The following NRXN3 variants were observed in gnomAD, a reference collection of about 807,000 sequenced individuals.
The protein encoded by NRXN3 is neurexin 3.
Under a neutral mutation model 137.6 loss-of-function variants are expected in NRXN3, and 32 were observed. The ratio of observed to expected loss-of-function variants is 0.23; its 90% CI spans 0.18 to 0.31. The LOEUF (loss-of-function observed/expected upper bound fraction) is 0.31. Ranked by LOEUF, NRXN3 falls within the 10% of genes least tolerant of loss-of-function variation. NRXN3 has a pLI of 1.00. For missense variants in NRXN3, 1,574 were observed against 2,062.5 expected (o/e 0.76, Z 4.59); for synonymous variants, 798 against 784.5 (o/e 1.02, Z -0.29).
chr14:79,377,291 G>A (rs754843556), intron 15 of NRXN3, among the ~76,000 whole-genome samples: 3 of 152,180 alleles, frequency 2.0e-5, no homozygotes, highest in Non-Finnish European at 4.4e-5. Flanking sequence ...CAAAGCAATT[G>A]CATGAAGAAG....
intron 6 of NRXN3, among the ~76,000 whole-genome samples, chr14:78,656,525 G>C (rs929129767): frequency 3.3e-5 from 5 of 152,136 alleles, no homozygotes; most frequent in Admixed American, 2.6e-4. Context: ...TGGTAGCTGC[G>C]GTTAGGTAGG....
chr14:78,857,008 C>T (rs1322756313), intron 10 of NRXN3, among the ~76,000 whole-genome samples: 1 of 152,198 alleles, frequency 6.6e-6, no homozygotes, highest in Non-Finnish European at 1.5e-5. Context: ...GCTGGGATTA[C>T]AGGCACGAGA....
At chr14:79,609,949 G>A (rs1603008807) in intron 16 of NRXN3, among the ~76,000 whole-genome samples, 1 of 151,996 alleles carries the variant, frequency 6.6e-6, no homozygotes, top group Admixed American at 6.6e-5. Context: ...GGCCTGTCTG[G>A]GGGTAGGAGG....
At chr14:79,356,360 A>G (rs2093422238) in intron 15 of NRXN3, among the ~76,000 whole-genome samples, 1 of 152,152 alleles carries the variant, frequency 6.6e-6, no homozygotes, top group Admixed American at 6.5e-5. Context: ...ACTGTTTTTT[A>G]ATGCCGCCTG....
chr14:78,207,882 G>A (rs760214), intron 1 of NRXN3, among the ~76,000 whole-genome samples: 101,661 of 152,016 alleles, frequency 0.67, 34,176 homozygotes, highest in Middle Eastern at 0.72. Context: ...TTTTCCTGAC[G>A]TATGGTGGTA....
At chr14:79,397,000 G>A (rs1023874353) in intron 15 of NRXN3, among the ~76,000 whole-genome samples, 1 of 152,184 alleles carries the variant, frequency 6.6e-6, no homozygotes, top group African/African-American at 2.4e-5. Flanking sequence ...TAAAGGAAAA[G>A]CATACAATCT....
In NRXN3 at chr14:78,966,045, A is replaced by G; in HGVS notation, c.2416A>G (p.Thr806Ala). 6.2e-7 allele frequency: 1 copy of G among 1,614,092 alleles called. No individual in the cohort carries two copies. Among genetic ancestry groups the G allele is most frequent in the South Asian group, 1.1e-5 (1 of 91,072 alleles). The change falls in exon 12 of 21, where the codon ACC (threonine) becomes GCC (alanine). Residue 806 changes from threonine to alanine, a missense_variant. Thr to Ala is a moderately conservative substitution (Grantham distance 58). Coordinates refer to ENST00000335750, the MANE Select transcript of NRXN3 (RefSeq NM_001330195.2). Reference protein sequence around the residue: ...VAEGTMVGDHTRLEFHNIETG... With the variant: ...VAEGTMVGDHARLEFHNIETG... ...CACAGGTACAATGGTGGGAGACCATACCCGTTTGGAGTTCCACAACATTGA... is the reference window on the plus strand; with the variant it reads ...CACAGGTACAATGGTGGGAGACCATGCCCGTTTGGAGTTCCACAACATTGA...
intron 15 of NRXN3, among the ~76,000 whole-genome samples, chr14:79,001,848 A>G (rs997235628): frequency 2.6e-5 from 4 of 152,208 alleles, no homozygotes; most frequent in Non-Finnish European, 2.9e-5. Context: ...CAGCTTTGTT[A>G]ACAAAGATTA....
chr14:78,884,736 G>A (rs2099138419), intron 10 of NRXN3, among the ~76,000 whole-genome samples: 1 of 152,102 alleles, frequency 6.6e-6, no homozygotes. Flanking sequence ...ATTGTGGTTA[G>A]TGAAGTGGTG....
In NRXN3 at chr14:78,736,745, C is replaced by T. The variant is rs118058745; in HGVS notation, c.2044+21606C>T. Among the ~76,000 whole-genome samples, 38 of 152,262 alleles carry T rather than the reference C, an allele frequency of 2.5e-4. 1 individual carries two copies. The East Asian group carries it at 7.1e-3, about 29-fold the overall frequency. On this transcript the variant is annotated intron_variant, in intron 8 of 20. Transcript: ENST00000335750. ...TACAGAGAATAAAAAACTGACAAAG[C>T]TTCTTGCCCCCATGCAACTAACAAT...
chr14:79,621,124 A>G (rs529277501), intron 16 of NRXN3, among the ~76,000 whole-genome samples: 3 of 152,330 alleles, frequency 2.0e-5, no homozygotes, highest in Non-Finnish European at 4.4e-5. Context: ...CTGCATAACA[A>G]TAATAGTTAT....
intron 15 of NRXN3, among the ~76,000 whole-genome samples, chr14:79,125,542 T>G (rs1464155683): frequency 6.6e-6 from 1 of 152,340 alleles, no homozygotes; most frequent in Non-Finnish European, 1.5e-5. Flanking sequence ...AAGCACCTGC[T>G]TAGACAACTC....
intron 17 of NRXN3, among the ~76,000 whole-genome samples, chr14:79,690,354 G>C (rs1195073160): frequency 6.6e-6 from 1 of 151,924 alleles, no homozygotes; most frequent in Non-Finnish European, 1.5e-5. Context: ...TTTCGCCATG[G>C]GCTATTGAAA....
At chr14:79,714,820 A>T (rs2098818016) in intron 19 of NRXN3, among the ~76,000 whole-genome samples, 1 of 152,130 alleles carries the variant, frequency 6.6e-6, no homozygotes, top group African/African-American at 2.4e-5. Flanking sequence ...CTCTGTTGTA[A>T]ACATTTTCCT....
At chr14:79,524,238 A>T (rs2097097513) in intron 16 of NRXN3, among the ~76,000 whole-genome samples, 1 of 152,180 alleles carries the variant, frequency 6.6e-6, no homozygotes, top group Non-Finnish European at 1.5e-5. Flanking sequence ...AGGGGGGATA[A>T]CCTCATGGTT....
intron 6 of NRXN3, among the ~76,000 whole-genome samples, chr14:78,673,390 C>A (rs957595799): frequency 6.6e-6 from 1 of 152,162 alleles, no homozygotes; most frequent in African/African-American, 2.4e-5. Flanking sequence ...AGCAATGGTT[C>A]AAGCCACTAT....
chr14:78,749,633 A>G (rs1297059077), intron 8 of NRXN3, among the ~76,000 whole-genome samples: 1 of 152,156 alleles, frequency 6.6e-6, no homozygotes. Flanking sequence ...TTTCATTTAT[A>G]ATCTCAGTGT....
chr14:79,804,309 C>CA (rs1216490642), intron 19 of NRXN3, among the ~76,000 whole-genome samples: 1 of 152,066 alleles, frequency 6.6e-6, no homozygotes, highest in African/African-American at 2.4e-5. Flanking sequence ...AGAAAGCAGT[C>CA]ATCTCACCTA....
At chr14:78,690,056 A>G (rs1424294209) in intron 6 of NRXN3, among the ~76,000 whole-genome samples, 1 of 152,158 alleles carries the variant, frequency 6.6e-6, no homozygotes, top group Non-Finnish European at 1.5e-5. Flanking sequence ...GTCGTTCCTT[A>G]GGCATATTGA....
Sources: gnomAD v4.1 joint callset for allele counts (sites outside exome capture counted in the v4.1 genomes callset) on GRCh38, gnomAD v4.1.1 for gene constraint, MANE v1.5 for transcripts, NCBI Gene and HGNC (gene_info 2026-07-23, HGNC 2026-07-21) for gene names.